The following PSMD13 variants were observed in gnomAD, a reference collection of about 807,000 sequenced individuals.
The protein encoded by PSMD13 is proteasome 26S subunit, non-ATPase 13.
In PSMD13, 8 loss-of-function variants were observed where a neutral mutation model predicts 57.4. The ratio of observed to expected loss-of-function variants is 0.14; its 90% confidence interval spans 0.08 to 0.25. The LOEUF (loss-of-function observed/expected upper bound fraction) is 0.25. PSMD13 is among the 10% of genes least tolerant of loss of function. PSMD13 has a pLI of 1.00. For missense variants in PSMD13, 400 were observed against 461.5 expected, an observed-to-expected ratio of 0.87 and a Z score of 1.22; for synonymous variants, 193 against 168.2, an observed-to-expected ratio of 1.15 and a Z score of -1.14.
At chr11:240,013 A>G (rs190622069) in intron 2 of PSMD13, among the ~76,000 whole-genome samples, 150 of 151,628 alleles carry the variant, frequency 9.9e-4, no homozygotes, top group Non-Finnish European at 1.5e-3. Context: ...TTTACTATTC[A>G]GAGGAACTTA....
intron 2 of PSMD13, among the ~76,000 whole-genome samples, chr11:242,110 T>A (rs1439688515): frequency 6.7e-6 from 1 of 149,008 alleles, no homozygotes; most frequent in Non-Finnish European, 1.5e-5. Flanking sequence ...CCTCTCCCTT[T>A]GGCTGATGCA....
In PSMD13 at chr11:251,692, T is replaced by C. The variant is rs1859767463; in HGVS notation, c.918+66T>C. The C allele has an allele frequency of 2.1e-5, 32 of 1,549,166 alleles. No individual in the cohort carries two copies. Among genetic ancestry groups the C allele is most frequent in the South Asian group, 3.4e-5 (3 of 88,820 alleles). ...CCACATGGAGGAGTCAAGGCTCTTGTGTGAGCGCTGTGCTCCCTAGACAGT... is the reference window on the plus strand; with the variant it reads ...CCACATGGAGGAGTCAAGGCTCTTGCGTGAGCGCTGTGCTCCCTAGACAGT... On this transcript the variant is annotated intron_variant, in intron 11 of 12. Coordinates refer to ENST00000532097, the MANE Select transcript of PSMD13 (RefSeq NM_002817.4). This position sits in a 1 kb window ranked among gnomAD's most constrained non-coding sequence, Gnocchi z 4.6.
chr11:250,691 C>A, intron 9 of PSMD13, 112 bp from the exon 10 acceptor site: 3 of 891,562 alleles, frequency 3.4e-6, no homozygotes, highest in Non-Finnish European at 5.5e-6. Flanking sequence ...TTTGGATCTG[C>A]TTAGCTGGTT....
At chr11:248,538 A>T (rs1013787082) in intron 7 of PSMD13, 5 of 536,530 alleles carry the variant, frequency 9.3e-6, no homozygotes, top group African/African-American at 3.8e-5. Flanking sequence ...ATATGAATAG[A>T]TTCACATATA....
intron 2 of PSMD13, among the ~76,000 whole-genome samples, 197 bp downstream of exon 2, chr11:239,273 T>C (rs1220755900): frequency 1.3e-5 from 2 of 152,220 alleles, no homozygotes; most frequent in Admixed American, 1.3e-4. Context: ...TTTTTTGATG[T>C]AGAAGCAAAC....
rs1238992421 is a variant in PSMD13 at position 251,285 on chromosome 11, T to C, written c.838-261T>C. On this transcript the variant is annotated intron_variant, in intron 10 of 12. Coordinates refer to ENST00000532097, the MANE Select transcript of PSMD13 (RefSeq NM_002817.4). The surrounding 1 kb of genome is among the most constrained non-coding windows in gnomAD (Gnocchi z 4.6). ...GTCACCCCTGGTCAACCCTGGCAAA[T>C]TGTGGCCTCAAGTACTTGTTCGGGG... is the stretch of plus-strand genomic sequence containing the variant. 1.6e-5 allele frequency: 8 copies of C among 496,654 alleles called. No homozygotes were observed. Among genetic ancestry groups the C allele is most frequent in the South Asian group, 1.5e-4 (6 of 39,322 alleles). The allele number at this position is 496,654 out of a possible 1,614,324, so 30.8% of individuals were successfully genotyped here.
In PSMD13 at chr11:249,326, CAG is replaced by C. The variant is rs148950580; in HGVS notation, c.774+271_774+272del. ...TCTACGCTGGGTGGAGGGGGTGTCA[CAG>C]AAGATGTAGAAGTCATAGTGACCTA... On this transcript the variant is annotated intron_variant, in intron 9 of 12. Coordinates refer to ENST00000532097, the MANE Select transcript of PSMD13 (RefSeq NM_002817.4). Among the ~76,000 whole-genome samples the C allele has an allele frequency of 1.3e-3, 203 of 152,050 alleles. 2 individuals are homozygous for C. Among genetic ancestry groups the C allele is most frequent in the African/African-American group, 4.5e-3 (185 of 41,448 alleles).
intron 7 of PSMD13, chr11:247,701 T>C (rs1036657827): frequency 1.0e-5 from 3 of 297,308 alleles, no homozygotes; most frequent in Non-Finnish European, 1.9e-5. Flanking sequence ...GGTGTGATGG[T>C]GGGTGCCTGT....
Position 252,255 on chromosome 11 carries a change from G to A in PSMD13, c.1036-250G>A. ...GCTCACGTCGCTCTTACATTTGCTG[G>A]AAATGCGATCCTGTGGATTTCCTCT... is the stretch of plus-strand genomic sequence containing the variant. On this transcript the variant is annotated intron_variant, in intron 12 of 12. Coordinates refer to ENST00000532097, the MANE Select transcript of PSMD13 (RefSeq NM_002817.4). The surrounding 1 kb of genome is among the most constrained non-coding windows in gnomAD (Gnocchi z 4.1). The A allele has an allele frequency of 1.9e-6, 1 of 523,266 alleles. No homozygotes were observed. Among genetic ancestry groups the A allele is most frequent in the Non-Finnish European group, 3.4e-6 (1 of 290,098 alleles). The allele number at this position is 523,266 out of a possible 1,614,324, so 32.4% of individuals were successfully genotyped here. A position where few individuals can be genotyped will look rare whatever the true frequency, so the allele number is the denominator to read the frequency against.
At chr11:248,402 G>A (rs1207064111) in intron 7 of PSMD13, among the ~76,000 whole-genome samples, 1 of 152,302 alleles carries the variant, frequency 6.6e-6, no homozygotes, top group East Asian at 1.9e-4. Flanking sequence ...CAATAGACTT[G>A]CTGTCTAGGA....
rs193111181 is a variant in PSMD13, at chr11:240,980, C to T, written c.174+1904C>T. On this transcript the variant is annotated intron_variant, in intron 2 of 12. Transcript: ENST00000532097. ...CAGAGTAGCTGGGATTACAGGCACC[C>T]GCCACCACGCCTGGATAATTTTTGT... Among the ~76,000 whole-genome samples, 716 of 151,820 alleles carry T rather than the reference C, an allele frequency of 4.7e-3. 6 individuals are homozygous for T. Among genetic ancestry groups the T allele is most frequent in the African/African-American group, 0.017 (688 of 41,380 alleles).
In PSMD13 at chr11:237,014, C is replaced by A. The variant is rs529977921; in HGVS notation, c.-36C>A. The A allele has an allele frequency of 7.7e-6, 12 of 1,549,814 alleles. No individual in the cohort carries two copies. Among genetic ancestry groups the A allele is most frequent in the Admixed American group, 5.0e-5 (3 of 59,534 alleles). On this transcript the variant is annotated 5_prime_UTR_variant, in exon 1 of 13. Coordinates refer to ENST00000532097, the MANE Select transcript of PSMD13 (RefSeq NM_002817.4). ...AGCCATCCCCGCGGTGCTGACATCC[C>A]GGTTGTTCTTCTGTGCCGGGGGTCT...
intron 2 of PSMD13, among the ~76,000 whole-genome samples, chr11:241,637 G>C (rs916677254): frequency 6.6e-6 from 1 of 152,110 alleles, no homozygotes; most frequent in African/African-American, 2.4e-5. Flanking sequence ...CCCTAACTCA[G>C]GGGTTATTGT....
chr11:243,728 A>C (rs1294092545), intron 2 of PSMD13, among the ~76,000 whole-genome samples: 3 of 152,232 alleles, frequency 2.0e-5, no homozygotes, highest in Non-Finnish European at 2.9e-5. Flanking sequence ...TATTTAGCTT[A>C]CAGTACCTGG....
At chr11:245,833 TGTCA>T (rs1859636876) in intron 6 of PSMD13, among the ~76,000 whole-genome samples, 2 of 152,178 alleles carry the variant, frequency 1.3e-5, no homozygotes, top group South Asian at 4.1e-4. Context: ...TATTGTTTAT[TGTCA>T]GTCCTAACCC....
At chr11:248,559 A>T (rs906059855) in intron 7 of PSMD13, 4 of 565,862 alleles carry the variant, frequency 7.1e-6, no homozygotes, top group Non-Finnish European at 1.3e-5. Flanking sequence ...TTTAGGAAAA[A>T]ATAAATGAAT....
Position 251,734 on chromosome 11 carries a change from A to T in PSMD13, c.919-86A>T, listed in dbSNP as rs1564824323. The T allele has an allele frequency of 2.0e-6, 3 of 1,529,746 alleles. No homozygotes were observed. The highest frequency in any genetic ancestry group is 1.7e-5 in the Admixed American group (1 of 57,854). The allele number at this position is 1,529,746 out of a possible 1,614,324, so 94.8% of individuals were successfully genotyped here. On this transcript the variant is annotated intron_variant, in intron 11 of 12. Transcript: ENST00000532097. This position sits in a 1 kb window ranked among gnomAD's most constrained non-coding sequence, Gnocchi z 4.6. ...CTAGACAGTAAAAAATGACGGGAGG[A>T]GCGGCATCTGCTTCTCACAAGCCAT...
In PSMD13 at chr11:251,384, CT is replaced by C; in HGVS notation, c.838-160del. 1 of 635,964 alleles carries C rather than the reference CT, an allele frequency of 1.6e-6. No homozygotes were observed. Among genetic ancestry groups the C allele is most frequent in the South Asian group, 2.1e-5 (1 of 47,438 alleles). 39.4% of individuals were successfully genotyped at this position (635,964 alleles called of 1,614,324 possible). On this transcript the variant is annotated intron_variant, in intron 10 of 12. Coordinates refer to ENST00000532097, the MANE Select transcript of PSMD13 (RefSeq NM_002817.4). This position sits in a 1 kb window ranked among gnomAD's most constrained non-coding sequence, Gnocchi z 4.6. ...ATCCTTCTTATCTAAGCATTAAAAG[CT>C]TGTTCTTAACAAGATATATGTCTAA...
In PSMD13 at chr11:244,417, C is replaced by G. The variant is rs771663063; in HGVS notation, c.266-9C>G. Reference sequence around the variant, plus strand: ...TTGATGGTCCTTCTGATTGTTCCTTCTTTTCCAGATCCTAATGTGGCTCTT... The same window carrying G: ...TTGATGGTCCTTCTGATTGTTCCTTGTTTTCCAGATCCTAATGTGGCTCTT... On this transcript the variant is annotated splice_polypyrimidine_tract_variant and intron_variant, in intron 4 of 12. Coordinates refer to ENST00000532097, the MANE Select transcript of PSMD13 (RefSeq NM_002817.4). 1 of 1,609,882 alleles carries G rather than the reference C, an allele frequency of 6.2e-7. No individual in the cohort carries two copies. Among genetic ancestry groups the G allele is most frequent in the Non-Finnish European group, 8.5e-7 (1 of 1,176,366 alleles).
Sources: allele counts gnomAD v4.1 joint callset (sites outside exome capture counted in the v4.1 genomes callset), GRCh38; gene constraint gnomAD v4.1.1; non-coding constraint Gnocchi (gnomAD v3.1); transcripts MANE v1.5; gene names NCBI Gene and HGNC (gene_info 2026-07-23, HGNC 2026-07-21).